The following TRIT1 variants were observed in gnomAD, a reference collection of about 807,000 sequenced individuals.
The protein encoded by TRIT1 is tRNA dimethylallyltransferase.
A neutral mutation model predicts 51.2 loss-of-function variants in TRIT1; 43 were observed. That is an observed-to-expected ratio of 0.84 (90% CI 0.66 to 1.08). TRIT1 has a LOEUF of 1.08. Ranked by LOEUF, TRIT1 falls within the 50% of genes least tolerant of loss-of-function variation. The pLI is 0.00. For missense variants in TRIT1, 528 were observed against 578.4 expected, an observed-to-expected ratio of 0.91 and a Z score of 0.89; for synonymous variants, 184 against 203.9, an observed-to-expected ratio of 0.90 and a Z score of 0.83.
At chr1:39,879,212 T>C (rs1404146725) in intron 1 of TRIT1, among the ~76,000 whole-genome samples, 2 of 151,928 alleles carry the variant, frequency 1.3e-5, no homozygotes, top group Admixed American at 1.3e-4. Flanking sequence ...GAGGTTGCAG[T>C]GAGCCAAGAT....
At chr1:39,876,528 G>GTATATATCTATCTATC (rs143110843) in intron 1 of TRIT1, among the ~76,000 whole-genome samples, 11,002 of 127,192 alleles carry the variant, frequency 0.086, 437 homozygotes, top group Admixed American at 0.13. Context: ...ATTTATATGT[G>GTATATATCTATCTATC]TATCTATCTA....
At position 39,848,503 on chromosome 1, in the gene TRIT1, G is replaced by A. The variant is rs146488975; in HGVS notation, c.704-406C>T. Among the ~76,000 whole-genome samples the A allele has an allele frequency of 8.8e-3, 1,325 of 151,290 alleles. 23 individuals carry two copies. The highest frequency in any genetic ancestry group is 0.031 in the African/African-American group (1,279 of 41,166). On this transcript the variant is annotated intron_variant, in intron 5 of 10. Coordinates refer to ENST00000316891, the MANE Select transcript of TRIT1 (RefSeq NM_017646.6). ...TTAAGAACCCCTAGATGACACCTTG[G>A]ATAAGAACATGGAACTTTAATCCAA...
chr1:39,861,936 A>AAAG (rs1394993570), intron 1 of TRIT1, among the ~76,000 whole-genome samples: 5 of 151,830 alleles, frequency 3.3e-5, no homozygotes, highest in South Asian at 4.1e-4. Context: ...AAAAAAAAAA[A>AAAG]AAAGAAAAAG....
chr1:39,848,594 G>A lies in TRIT1; in HGVS notation c.704-497C>T, dbSNP rs532503234. Reference sequence around the variant, plus strand: ...TAATCCCAGCACTTTGGGAGGCCGAGGTGGGTGGATCACGAGGTCAAGAGT... The same window carrying A: ...TAATCCCAGCACTTTGGGAGGCCGAAGTGGGTGGATCACGAGGTCAAGAGT... On this transcript the variant is annotated intron_variant, in intron 5 of 10. Coordinates refer to ENST00000316891, the MANE Select transcript of TRIT1 (RefSeq NM_017646.6). Among the ~76,000 whole-genome samples the A allele has an allele frequency of 1.3e-4, 19 of 151,172 alleles. No individual in the cohort carries two copies. The East Asian group carries it at 3.5e-3, about 28-fold the overall frequency.
Position 39,844,213 on chromosome 1 carries a change from G to C in TRIT1, c.1122C>G (p.His374Gln). 22 of 1,613,186 alleles carry C rather than the reference G, an allele frequency of 1.4e-5. No homozygotes were observed. Among genetic ancestry groups the C allele is most frequent in the Non-Finnish European group, 1.9e-5 (22 of 1,179,160 alleles). The change falls in exon 10 of 11, where the codon CAC becomes CAG. Residue 374 changes from histidine to glutamine, a missense_variant. By Grantham distance (24) the His-to-Gln change is conservative. Around this residue, in one of 3 missense-constraint regions of TRIT1, gnomAD observed 468 missense variants for 522.6 expected, o/e 0.90. Coordinates refer to ENST00000316891, the MANE Select transcript of TRIT1 (RefSeq NM_017646.6). ...LEIVQSFIQG[H>Q]KPTATPIKMP... is the part of the protein sequence containing the mutation. ...TCTTTATTGGAGTGGCTGTAGGCTT[G>C]TGGCCCTAAAAGAACAAGGGTGGAA...
At position 39,852,780 on chromosome 1, in the gene TRIT1, G is replaced by A; in HGVS notation, c.511C>T (p.Pro171Ser). ...GGATGCAGCTTGGCAGCCATTTCTG[G>A]GTCCACCTGGCTTAGGCGTTTGTGA... ...VLHKRLSQVD[P>S]EMAAKLHPHD... is the part of the protein sequence containing the mutation. The change falls in exon 4 of 11, where the codon CCA becomes TCA. Residue 171 changes from proline to serine, a missense_variant. Physicochemically the swap from Pro to Ser is moderately conservative, Grantham distance 74 (BLOSUM62 -1). This residue lies in a region of TRIT1 where 468 missense variants were observed against 522.6 expected (regional missense o/e 0.90). Coordinates refer to ENST00000316891, the MANE Select transcript of TRIT1 (RefSeq NM_017646.6). The A allele has an allele frequency of 6.2e-7, 1 of 1,614,014 alleles. No homozygotes were observed.
intron 6 of TRIT1, 141 bp downstream of exon 6, chr1:39,847,845 T>C (rs894231672): frequency 1.6e-5 from 22 of 1,368,514 alleles, no homozygotes; most frequent in Non-Finnish European, 2.2e-5. Flanking sequence ...AGTTAACTCC[T>C]GGGACTGTCT....
intron 1 of TRIT1, among the ~76,000 whole-genome samples, chr1:39,873,964 G>A (rs1420304074): frequency 6.6e-6 from 1 of 150,978 alleles, no homozygotes; most frequent in Non-Finnish European, 1.5e-5. Flanking sequence ...GCAGTGAGCC[G>A]AGATCACACC....
At chr1:39,866,870 T>C (rs1471761933) in intron 1 of TRIT1, among the ~76,000 whole-genome samples, 2 of 152,162 alleles carry the variant, frequency 1.3e-5, no homozygotes, top group African/African-American at 2.4e-5. Flanking sequence ...CACGTGCCTA[T>C]AGTTCTAGCT....
rs199579505 is a variant in TRIT1 at position 39,841,750 on chromosome 1, G to T, written c.1398C>A (p.Ser466Arg). Residue 466 changes from serine (S) to arginine (R), a missense_variant, in exon 11 of 11, where the codon AGC becomes AGA. By Grantham distance (110) the Ser-to-Arg change is moderately radical. This residue lies in a region of TRIT1 where 468 missense variants were observed against 522.6 expected (regional missense o/e 0.90). Coordinates refer to ENST00000316891, the MANE Select transcript of TRIT1 (RefSeq NM_017646.6). ...AGGCCACTGGACATGTCTCTTAAAC[G>T]CTGCATTTCAGCTCTTGATCATTCT... ...PGQNDQELKC[S>R]V is the part of the protein sequence containing the mutation. The T allele has an allele frequency of 6.2e-7, 1 of 1,610,636 alleles. No individual in the cohort carries two copies. The highest frequency in any genetic ancestry group is 1.3e-5 in the African/African-American group (1 of 74,622).
rs562602236 is a variant in TRIT1, at chr1:39,840,224, T to C, written c.*1520A>G. 6.6e-6 allele frequency among the ~76,000 whole-genome samples: 1 copy of C among 152,330 alleles called. No homozygotes were observed. The highest frequency in any genetic ancestry group is 1.9e-4 in the East Asian group (1 of 5,186). ...CCTTGTTAGGTCCTAAAGTAGTTAA[T>C]AAACTTCTTTGCCCAGAGAATAAAT... On this transcript the variant is annotated 3_prime_UTR_variant, in exon 11 of 11. Coordinates refer to ENST00000316891, the MANE Select transcript of TRIT1 (RefSeq NM_017646.6).
chr1:39,865,552 T>A (rs907356453), intron 1 of TRIT1, among the ~76,000 whole-genome samples: 1 of 150,978 alleles, frequency 6.6e-6, no homozygotes, highest in Non-Finnish European at 1.5e-5. Flanking sequence ...CAGTAAGGAT[T>A]CTCATCAGGC....
At position 39,850,163 on chromosome 1, in the gene TRIT1, T is replaced by C. The variant is rs1210650759; in HGVS notation, c.659A>G (p.Lys220Arg). 1 of 1,614,158 alleles carries C rather than the reference T, an allele frequency of 6.2e-7. No individual in the cohort carries two copies. The highest frequency in any genetic ancestry group is 1.7e-5 in the Admixed American group (1 of 60,022). Residue 220 changes from lysine to arginine, a missense_variant, in exon 5 of 11, where the codon AAG becomes AGG. By Grantham distance (26) the Lys-to-Arg change is conservative. Coordinates refer to ENST00000316891, the MANE Select transcript of TRIT1 (RefSeq NM_017646.6). ...CCAAAGGATGCAAGGGTTAGAGAAC[T>C]TCAGAGGACCTCCAAGGGGACCACC... ...EGGGPLGGPL[K>R]FSNPCILWLH...
At position 39,839,753 on chromosome 1, in the gene TRIT1, A is replaced by T. The variant is rs1652493660; in HGVS notation, c.*1991T>A. On this transcript the variant is annotated 3_prime_UTR_variant, in exon 11 of 11. Transcript: ENST00000316891. ...CTTTTTTTTTGGTAAAAAAGGCCTGATTTCCAATTGCCATAGAGATAACAA... is the reference window on the plus strand; with the variant it reads ...CTTTTTTTTTGGTAAAAAAGGCCTGTTTTCCAATTGCCATAGAGATAACAA... Among the ~76,000 whole-genome samples, 1 of 152,146 alleles carries T rather than the reference A, an allele frequency of 6.6e-6. No individual in the cohort carries two copies. The highest frequency in any genetic ancestry group is 1.5e-5 in the Non-Finnish European group (1 of 68,026).
chr1:39,862,783 C>T, intron 1 of TRIT1: 1 of 985,384 alleles, frequency 1.0e-6, no homozygotes. Context: ...ATCTCTTACA[C>T]TTACCCTATT....
At position 39,849,453 on chromosome 1, in the gene TRIT1, A is replaced by G. The variant is rs192421745; in HGVS notation, c.703+666T>C. Among the ~76,000 whole-genome samples the G allele has an allele frequency of 3.3e-5, 5 of 152,182 alleles. No individual in the cohort carries two copies. The East Asian group carries it at 9.6e-4, about 29-fold the overall frequency. ...TGCAAACTGGTCTCTGACTCCCCCCAAGATAATATTCGTCATCCCTTCTCT... is the reference window on the plus strand; with the variant it reads ...TGCAAACTGGTCTCTGACTCCCCCCGAGATAATATTCGTCATCCCTTCTCT... On this transcript the variant is annotated intron_variant, in intron 5 of 10. Coordinates refer to ENST00000316891, the MANE Select transcript of TRIT1 (RefSeq NM_017646.6).
At chr1:39,847,191 C>G in intron 8 of TRIT1, 29 bp downstream of exon 8, 4 of 1,592,692 alleles carry the variant, frequency 2.5e-6, no homozygotes, top group Non-Finnish European at 3.4e-6. Flanking sequence ...AAAACAGACC[C>G]ATAGGATAAA....
intron 1 of TRIT1, among the ~76,000 whole-genome samples, chr1:39,859,191 G>A (rs569294516): frequency 5.1e-4 from 74 of 145,298 alleles, no homozygotes; most frequent in African/African-American, 1.8e-3. Flanking sequence ...AGGAGGCAGA[G>A]GTTGCAGTGA....
At chr1:39,866,041 GAAAA>G (rs1438833807) in intron 1 of TRIT1, among the ~76,000 whole-genome samples, 3 of 131,524 alleles carry the variant, frequency 2.3e-5, no homozygotes, top group African/African-American at 7.9e-5. Context: ...GAAAAGAAAA[GAAAA>G]AGAAAAGAAA....
Sources: allele counts gnomAD v4.1 joint callset (sites outside exome capture counted in the v4.1 genomes callset), GRCh38; gene constraint gnomAD v4.1.1; regional missense constraint gnomAD v4.1.1; transcripts MANE v1.5; gene names NCBI Gene and HGNC (gene_info 2026-07-23, HGNC 2026-07-21).